DAB1: variants seen among roughly 807,000 people sequenced by gnomAD.
The protein encoded by DAB1 is DAB adaptor protein 1, also known as disabled homolog 1.
In DAB1, 15 loss-of-function variants were observed where a neutral mutation model predicts 64.6. The ratio of observed to expected loss-of-function variants is 0.23; its 90% CI spans 0.16 to 0.36. The LOEUF is 0.36. Among genes scored for constraint, DAB1 ranks in the 10% least tolerant of loss-of-function variants. The pLI is 1.00. For missense variants in DAB1, 596 were observed against 706.7 expected (o/e 0.84, Z 1.78); for synonymous variants, 235 against 251.9 (o/e 0.93, Z 0.64).
rs570813370 is a variant in DAB1 at position 58,491,412 on chromosome 1, C to A, written n.257+14648G>T. Among the ~76,000 whole-genome samples the A allele has an allele frequency of 1.1e-3, 160 of 152,230 alleles. 1 individual carries two copies. Among genetic ancestry groups the A allele is most frequent in the Non-Finnish European group, 1.8e-3 (124 of 68,018 alleles). On this transcript the variant is annotated intron_variant and non_coding_transcript_variant, in intron 3 of 20. Transcript: ENST00000485760. Reference sequence around the variant, plus strand: ...ATGACAGGATCAAATTCACACATAACAATATTAACCTTAAATGTAAATGGG... The same window carrying A: ...ATGACAGGATCAAATTCACACATAAAAATATTAACCTTAAATGTAAATGGG...
At chr1:58,076,922 C>A (rs766102469) in intron 5 of DAB1, among the ~76,000 whole-genome samples, 4 of 152,060 alleles carry the variant, frequency 2.6e-5, no homozygotes, top group African/African-American at 4.8e-5. Context: ...CTTCCTGGGT[C>A]ATCTTCATCT....
chr1:57,007,568 C>A (rs1646120392), intron 14 of DAB1, among the ~76,000 whole-genome samples: 1 of 152,156 alleles, frequency 6.6e-6, no homozygotes, highest in Admixed American at 6.5e-5. Flanking sequence ...AACAGCACTG[C>A]TGTTTGAGAT....
At chr1:57,543,550 CTG>C in intron 7 of DAB1, among the ~76,000 whole-genome samples, 1 of 152,178 alleles carries the variant, frequency 6.6e-6, no homozygotes, top group South Asian at 2.1e-4. Context: ...AAAAAACAAA[CTG>C]TAATAAAAGC....
At chr1:57,046,284 G>C (rs1327361379) in intron 9 of DAB1, among the ~76,000 whole-genome samples, 18 of 152,172 alleles carry the variant, frequency 1.2e-4, no homozygotes, top group Non-Finnish European at 4.4e-5. Context: ...ACACTTGCTG[G>C]CCCCTAGTAA....
chr1:58,069,342 G>A (rs928918804), intron 5 of DAB1, among the ~76,000 whole-genome samples: 4 of 152,082 alleles, frequency 2.6e-5, no homozygotes, highest in East Asian at 3.9e-4. Context: ...GCTTCCAACC[G>A]AGGCACCGTC....
chr1:57,930,587 G>A (rs1644940154), intron 5 of DAB1, among the ~76,000 whole-genome samples: 1 of 151,974 alleles, frequency 6.6e-6, no homozygotes, highest in Admixed American at 6.6e-5. Flanking sequence ...TATAGATTTT[G>A]TTATTTTTTG....
intron 3 of DAB1, among the ~76,000 whole-genome samples, chr1:58,461,829 T>C (rs1021333856): frequency 6.6e-6 from 1 of 152,198 alleles, no homozygotes; most frequent in Non-Finnish European, 1.5e-5. Flanking sequence ...TCAGAACTAA[T>C]AGAACTTTGA....
intron 1 of DAB1, among the ~76,000 whole-genome samples, chr1:57,843,323 T>C (rs1034561993): frequency 6.6e-6 from 1 of 152,166 alleles, no homozygotes; most frequent in Non-Finnish European, 1.5e-5. Context: ...AGCAAGAATG[T>C]AGGTTTTAGA....
chr1:57,175,119 A>G (rs1662163954), intron 2 of DAB1, among the ~76,000 whole-genome samples: 1 of 152,152 alleles, frequency 6.6e-6, no homozygotes. Context: ...CTGGAAATCA[A>G]AGAATATATG....
chr1:57,182,338 C>T (rs1215120039), intron 2 of DAB1, among the ~76,000 whole-genome samples: 1 of 152,178 alleles, frequency 6.6e-6, no homozygotes, highest in Non-Finnish European at 1.5e-5. Context: ...CATAATAAAT[C>T]TCTTGAACAT....
At chr1:58,455,699 T>C (rs920771545) in intron 3 of DAB1, among the ~76,000 whole-genome samples, 12 of 152,352 alleles carry the variant, frequency 7.9e-5, no homozygotes, top group African/African-American at 2.9e-4. Context: ...CAGTCTACTA[T>C]TCCCTCCCAA....
At chr1:57,254,639 C>T (rs1014388233) in intron 2 of DAB1, among the ~76,000 whole-genome samples, 3 of 152,150 alleles carry the variant, frequency 2.0e-5, no homozygotes, top group Admixed American at 2.0e-4. Flanking sequence ...CCTAAAAACA[C>T]TCCACTCATC....
chr1:58,366,416 T>A (rs1440517971), intron 3 of DAB1, among the ~76,000 whole-genome samples: 1 of 152,204 alleles, frequency 6.6e-6, no homozygotes, highest in Non-Finnish European at 1.5e-5. Context: ...TGCATTGGAA[T>A]GGCCTACTAA....
At chr1:57,595,682 G>T (rs1332318760) in intron 7 of DAB1, among the ~76,000 whole-genome samples, 3 of 151,888 alleles carry the variant, frequency 2.0e-5, no homozygotes, top group Non-Finnish European at 4.4e-5. Context: ...TGGAGGTGGG[G>T]TCTGGTGAGA....
chr1:57,290,274 G>A (rs1477921689), intron 2 of DAB1, among the ~76,000 whole-genome samples: 1 of 152,044 alleles, frequency 6.6e-6, no homozygotes, highest in Admixed American at 6.6e-5. Context: ...AAGAGCAACA[G>A]AAAAGGATTT....
intron 4 of DAB1, among the ~76,000 whole-genome samples, chr1:58,324,723 C>A (rs1662781464): frequency 6.6e-6 from 1 of 152,180 alleles, no homozygotes; most frequent in Admixed American, 6.5e-5. Flanking sequence ...AACTTAGAGT[C>A]CCTTGAAGAA....
At chr1:58,261,318 G>A (rs1446575466) in intron 4 of DAB1, among the ~76,000 whole-genome samples, 4 of 152,194 alleles carry the variant, frequency 2.6e-5, no homozygotes, top group Non-Finnish European at 5.9e-5. Flanking sequence ...CCAAGTTGGA[G>A]GACATGGCCT....
intron 6 of DAB1, among the ~76,000 whole-genome samples, chr1:57,744,026 G>T (rs985729201): frequency 2.0e-5 from 3 of 152,192 alleles, no homozygotes; most frequent in Non-Finnish European, 4.4e-5. Context: ...GGTGTTCCTT[G>T]CCCTCATTCT....
At chr1:58,216,639 C>T (rs1010498959) in intron 4 of DAB1, among the ~76,000 whole-genome samples, 1 of 152,192 alleles carries the variant, frequency 6.6e-6, no homozygotes, top group Non-Finnish European at 1.5e-5. Flanking sequence ...AACTTACACT[C>T]CCACCAACAG....
Sources: allele counts gnomAD v4.1 joint callset (sites outside exome capture counted in the v4.1 genomes callset), GRCh38; gene constraint gnomAD v4.1.1; transcripts MANE v1.5; gene names NCBI Gene and HGNC (gene_info 2026-07-23, HGNC 2026-07-21).